DYTN: variants seen among roughly 807,000 people sequenced by gnomAD.
DYTN encodes dystrotelin.
In DYTN, 75 loss-of-function variants were observed where a neutral mutation model predicts 69.6. That is an observed-to-expected ratio of 1.08 (90% confidence interval 0.89 to 1.31). The LOEUF is 1.31. DYTN is among the 50% of genes most tolerant of loss of function. DYTN has a pLI of 0.00. For missense variants in DYTN, 726 were observed against 688.4 expected, an observed-to-expected ratio of 1.05 and a Z score of -0.61; for synonymous variants, 252 against 249.1, an observed-to-expected ratio of 1.01 and a Z score of -0.11.
intron 1 of DYTN, 137 bp downstream of exon 1, chr2:206,718,124 T>C (rs560047495): frequency 2.4e-6 from 2 of 836,366 alleles, no homozygotes; most frequent in South Asian, 4.7e-5. Flanking sequence ...GCCACTTTAA[T>C]CAAATAACAG....
rs1239580332 is a variant in DYTN, at chr2:206,708,507, C to A, written c.95-1004G>T. ...GAGGAGAGTCTAAGGAACAGAGGAA[C>A]AAGTTTCAGAATGTGACTTAAATAA... On this transcript the variant is annotated intron_variant, in intron 2 of 11. Transcript: ENST00000452335. Among the ~76,000 whole-genome samples the A allele has an allele frequency of 2.6e-5, 4 of 152,320 alleles. No homozygotes were observed. In the South Asian group the frequency reaches 6.2e-4, roughly 24 times the overall value.
Position 206,663,413 on chromosome 2 carries a change from T to C in DYTN, c.1141-18A>G. The C allele has an allele frequency of 6.5e-7, 1 of 1,548,078 alleles. No individual in the cohort carries two copies. The highest frequency in any genetic ancestry group is 8.7e-7 in the Non-Finnish European group (1 of 1,151,436). The stretch of plus-strand genomic sequence containing the variant: ...AACCTTGCCTGGGGAAACAAAACTT[T>C]ATTTATGAAGAAATTAATGTTTATC... On this transcript the variant is annotated intron_variant, in intron 10 of 11. Transcript: ENST00000452335.
intron 9 of DYTN, among the ~76,000 whole-genome samples, chr2:206,680,970 G>A (rs1699744683): frequency 6.6e-6 from 1 of 152,186 alleles, no homozygotes; most frequent in African/African-American, 2.4e-5. Context: ...ACTTTGGACA[G>A]TATGGCTATT....
In DYTN at chr2:206,704,356, C is replaced by T. The variant is rs569060360; in HGVS notation, c.483+487G>A. Reference sequence around the variant, plus strand: ...ATGGCCTTGTGGGTAGATAGAAATGCAGAAGTCAGGCATGGAGAACTTGGT... The same window carrying T: ...ATGGCCTTGTGGGTAGATAGAAATGTAGAAGTCAGGCATGGAGAACTTGGT... On this transcript the variant is annotated intron_variant, in intron 5 of 11. Transcript: ENST00000452335. 5.3e-5 allele frequency among the ~76,000 whole-genome samples: 8 copies of T among 152,238 alleles called. No individual in the cohort carries two copies. In the East Asian group the frequency reaches 1.5e-3, roughly 29 times the overall value.
chr2:206,705,550 C>A (rs890268909), intron 4 of DYTN, among the ~76,000 whole-genome samples: 1 of 152,172 alleles, frequency 6.6e-6, no homozygotes, highest in Non-Finnish European at 1.5e-5. Context: ...ATAATAATTA[C>A]GGGTGTCTAG....
chr2:206,662,898 C>T lies in DYTN; in HGVS notation c.1633+5G>A. 2 of 1,609,162 alleles carry T rather than the reference C, an allele frequency of 1.2e-6. No homozygotes were observed. The highest frequency in any genetic ancestry group is 1.1e-5 in the South Asian group (1 of 90,056). On this transcript the variant is annotated splice_donor_5th_base_variant and intron_variant, in intron 11 of 11. Transcript: ENST00000452335. ...CACGATGTCTATGGATTGTGAAAAC[C>T]TTACCTGATGGCGTTTCTAGATTGA...
At chr2:206,664,971 C>T (rs13415979) in intron 10 of DYTN, among the ~76,000 whole-genome samples, 17,508 of 152,142 alleles carry the variant, frequency 0.12, 1,080 homozygotes, top group Non-Finnish European at 0.14. Context: ...AATGAAACAG[C>T]GTGACATAAA....
At chr2:206,674,682 T>C (rs1177111832) in intron 9 of DYTN, among the ~76,000 whole-genome samples, 1 of 152,064 alleles carries the variant, frequency 6.6e-6, no homozygotes, top group African/African-American at 2.4e-5. Flanking sequence ...AAACAAAATT[T>C]AAAGGACGTT....
chr2:206,683,404 C>T (rs1699773108), intron 9 of DYTN, among the ~76,000 whole-genome samples: 1 of 138,824 alleles, frequency 7.2e-6, no homozygotes, highest in South Asian at 2.4e-4. Context: ...AGTGCAGTGG[C>T]TCTCTCTTGG....
chr2:206,703,792 A>G (rs1011346946), intron 5 of DYTN, among the ~76,000 whole-genome samples: 1 of 152,140 alleles, frequency 6.6e-6, no homozygotes, highest in Non-Finnish European at 1.5e-5. Flanking sequence ...AAAGTTCCTA[A>G]GTCATTACAG....
intron 9 of DYTN, 136 bp from the exon 10 acceptor site, chr2:206,666,165 T>C (rs923891342): frequency 6.6e-6 from 8 of 1,211,884 alleles, no homozygotes; most frequent in African/African-American, 1.5e-5. Flanking sequence ...GTGTTTTTTG[T>C]TGAGATGGAG....
intron 9 of DYTN, among the ~76,000 whole-genome samples, chr2:206,689,979 C>A (rs2105896379): frequency 6.6e-6 from 1 of 152,254 alleles, no homozygotes. Context: ...GGACATTCCT[C>A]CCCTCATAGA....
chr2:206,700,303 G>T, intron 5 of DYTN, 87 bp from the exon 6 acceptor site: 1 of 1,418,076 alleles, frequency 7.1e-7, no homozygotes, highest in Non-Finnish European at 1.0e-6. Flanking sequence ...TGGTGCCCAC[G>T]GCTGTGTAGT....
rs374980598 is a variant in DYTN, at chr2:206,652,787, T to C, written c.1634-866A>G. Reference sequence around the variant, plus strand: ...CATACATATGTGCATAGAAAATGGTTTGAAGGAAACTCACTAAGCTGTTAA... The same window carrying C: ...CATACATATGTGCATAGAAAATGGTCTGAAGGAAACTCACTAAGCTGTTAA... On this transcript the variant is annotated intron_variant, in intron 11 of 11. Coordinates refer to ENST00000452335, the MANE Select transcript of DYTN (RefSeq NM_001093730.1). Among the ~76,000 whole-genome samples the C allele has an allele frequency of 3.3e-5, 5 of 152,276 alleles. No individual in the cohort carries two copies. In the East Asian group the frequency reaches 9.6e-4, roughly 29 times the overall value.
In DYTN at chr2:206,651,759, A is replaced by G. The variant is rs553664414; in HGVS notation, c.*59T>C. 8.4e-4 allele frequency: 1,202 copies of G among 1,423,854 alleles called. No homozygotes were observed. Among genetic ancestry groups the G allele is most frequent in the Non-Finnish European group, 1.1e-3 (1,115 of 1,013,224 alleles). 88.2% of individuals were successfully genotyped at this position (1,423,854 alleles called of 1,614,324 possible). Reference sequence around the variant, plus strand: ...AGGTAGAAGTCTTAATTCTTTTAATACAGTTGTGCAACTGCATTTTGTCAT... The same window carrying G: ...AGGTAGAAGTCTTAATTCTTTTAATGCAGTTGTGCAACTGCATTTTGTCAT... On this transcript the variant is annotated 3_prime_UTR_variant, in exon 12 of 12. Transcript: ENST00000452335.
At chr2:206,698,219 T>C (rs537656644) in intron 7 of DYTN, among the ~76,000 whole-genome samples, 1 of 152,320 alleles carries the variant, frequency 6.6e-6, no homozygotes, top group East Asian at 1.9e-4. Flanking sequence ...TTCATTTATA[T>C]GTTTTATTGT....
At chr2:206,715,087 G>C (rs1395915198) in intron 1 of DYTN, among the ~76,000 whole-genome samples, 1 of 152,142 alleles carries the variant, frequency 6.6e-6, no homozygotes, top group Non-Finnish European at 1.5e-5. Context: ...ATGGAGGATG[G>C]ATAAGATGCT....
intron 1 of DYTN, among the ~76,000 whole-genome samples, chr2:206,712,208 C>T (rs1364762767): frequency 4.6e-5 from 7 of 152,152 alleles, no homozygotes; most frequent in Admixed American, 2.6e-4. Flanking sequence ...TCGCCAACGT[C>T]GGAATCTAGG....
intron 2 of DYTN, among the ~76,000 whole-genome samples, chr2:206,708,331 T>G (rs10490748): frequency 0.15 from 22,761 of 152,174 alleles, 2,194 homozygotes; most frequent in East Asian, 0.23. Context: ...GGTGGGGATA[T>G]CAAGAGCGCC....
Sources: allele counts gnomAD v4.1 joint callset (sites outside exome capture counted in the v4.1 genomes callset), GRCh38; gene constraint gnomAD v4.1.1; transcripts MANE v1.5; gene names NCBI Gene and HGNC (gene_info 2026-07-23, HGNC 2026-07-21).